The following OPN4 variants were observed in gnomAD, a reference collection of about 807,000 sequenced individuals.
The protein encoded by OPN4 is opsin 4, also known as melanopsin.
OPN4 carries 43 observed loss-of-function variants against 49.5 expected under a neutral mutation model. The ratio of observed to expected loss-of-function variants is 0.87; its 90% CI spans 0.68 to 1.12. The LOEUF is 1.12. OPN4 is among the 50% of genes most tolerant of loss of function. OPN4 has a pLI of 0.00. For synonymous variants in OPN4, 263 were observed against 258.0 expected, an observed-to-expected ratio of 1.02 and a Z score of -0.19; for missense variants, 657 against 643.9, an observed-to-expected ratio of 1.02 and a Z score of -0.22.
intron 2 of OPN4, chr10:86,657,137 T>G (rs1843887865): frequency 2.6e-6 from 2 of 775,840 alleles, no homozygotes; most frequent in Non-Finnish European, 2.4e-6. Context: ...ACCTGCCAGC[T>G]GAAGGACTGG....
rs755583201 is a variant in OPN4, at chr10:86,658,053, T to G, written c.312T>G (p.Pro104=). 6.2e-7 allele frequency: 1 copy of G among 1,613,540 alleles called. No homozygotes were observed. Among genetic ancestry groups the G allele is most frequent in the South Asian group, 1.1e-5 (1 of 91,024 alleles). The change falls in exon 3 of 10, where the codon CCT becomes CCG. Residue 104 remains proline (P), a synonymous_variant. Coordinates refer to ENST00000241891, the MANE Select transcript of OPN4 (RefSeq NM_033282.4). ...CCAGGAGCAGAAGCCTCCGGACACCTGCCAACATGTTCATTATCAACCTCG... is the reference window on the plus strand; with the variant it reads ...CCAGGAGCAGAAGCCTCCGGACACCGGCCAACATGTTCATTATCAACCTCG... The part of the protein sequence containing the change: ...TFCRSRSLRT[P]ANMFIINLAV...
rs754766542 is a variant in OPN4, at chr10:86,658,593, C to A, written c.534C>A (p.Thr178=). 13 of 1,614,210 alleles carry A rather than the reference C, an allele frequency of 8.1e-6. No individual in the cohort carries two copies. The highest frequency in any genetic ancestry group is 1.7e-6 in the Non-Finnish European group (2 of 1,180,040). ...TGGTAATCACACGCCCGCTGGCCAC[C>A]TTTGGTGTGGCGTCCAAGAGGCGTG... The part of the protein sequence containing the change: ...RYLVITRPLA[T]FGVASKRRAA... The change falls in exon 4 of 10, where the codon ACC becomes ACA. Residue 178 remains threonine, a synonymous_variant. Coordinates refer to ENST00000241891, the MANE Select transcript of OPN4 (RefSeq NM_033282.4).
chr10:86,657,063 G>A, intron 2 of OPN4: 3 of 649,944 alleles, frequency 4.6e-6, no homozygotes, highest in South Asian at 1.8e-5. Context: ...TGGCTCAGTG[G>A]CTGAGACAGG....
chr10:86,664,444 A>G (rs1292118466), intron 9 of OPN4, among the ~76,000 whole-genome samples: 1 of 152,174 alleles, frequency 6.6e-6, no homozygotes, highest in East Asian at 1.9e-4. Context: ...CCAAGTGCCT[A>G]TGGAACGGAA....
At chr10:86,658,758 G>A in intron 4 of OPN4, 71 bp downstream of exon 4, 1 of 1,548,056 alleles carries the variant, frequency 6.5e-7, no homozygotes, top group Non-Finnish European at 8.8e-7. Context: ...GAAGTAGGTG[G>A]ACTTGGGTCA....
chr10:86,662,262 G>A lies in OPN4; in HGVS notation c.1084G>A (p.Ala362Thr). The change falls in exon 8 of 10, where the codon GCC becomes ACC. Residue 362 changes from alanine to threonine, a missense_variant. Transcript: ENST00000241891. ...GTGCGGCCCCTGCAGGGTGGCCATT[G>A]CCCAGCACCTGCCCTGCCTGGGGGT... ...ITHPKYRVAI[A>T]QHLPCLGVLL... 1.2e-6 allele frequency: 2 copies of A among 1,609,374 alleles called. No individual in the cohort carries two copies. Among genetic ancestry groups the A allele is most frequent in the Non-Finnish European group, 1.7e-6 (2 of 1,179,442 alleles).
Position 86,654,808 on chromosome 10 carries a change from G to A in OPN4, c.25G>A (p.Val9Ile), listed in dbSNP as rs757880041. Reference protein sequence around the residue: MNPPSGPRVPPSPTQEPSC... With the variant: MNPPSGPRIPPSPTQEPSC... ...GATGAACCCTCCTTCGGGGCCAAGA[G>A]TCCCGCCCAGCCCAACCCAAGAGCC... is the stretch of plus-strand genomic sequence containing the variant. Residue 9 changes from valine to isoleucine, a missense_variant, in exon 1 of 10, where the codon GTC becomes ATC. Transcript: ENST00000241891. 3.1e-6 allele frequency: 5 copies of A among 1,612,608 alleles called. No individual in the cohort carries two copies. In the African/African-American group the frequency reaches 4.0e-5, roughly 13 times the overall value.
chr10:86,665,831 T>C lies in OPN4; in HGVS notation c.*80T>C, dbSNP rs1844158908. ...CCTCATATACACAGACCCAGGATTA[T>C]GCTGTGAGCCTGCAGGCTTTGGAAG... is the stretch of plus-strand genomic sequence containing the variant. On this transcript the variant is annotated 3_prime_UTR_variant, in exon 10 of 10. Transcript: ENST00000241891. The C allele has an allele frequency of 9.5e-6, 11 of 1,160,048 alleles. No homozygotes were observed. The highest frequency in any genetic ancestry group is 2.6e-5 in the South Asian group (2 of 77,158). 71.9% of individuals were successfully genotyped at this position (1,160,048 alleles called of 1,614,324 possible).
chr10:86,659,260 G>T, intron 4 of OPN4, 37 bp from the exon 5 acceptor site: 4 of 1,564,432 alleles, frequency 2.6e-6, no homozygotes, highest in Non-Finnish European at 2.6e-6. Context: ...CGTGGTCAGT[G>T]CCGCCCCAAA....
In OPN4 at chr10:86,654,782, G is replaced by C. The variant is rs1323869588; in HGVS notation, c.-2G>C. ...CTCGAGCAAGGACCATCCCAACTCA[G>C]GATGAACCCTCCTTCGGGGCCAAGA... On this transcript the variant is annotated 5_prime_UTR_variant, in exon 1 of 10. Coordinates refer to ENST00000241891, the MANE Select transcript of OPN4 (RefSeq NM_033282.4). 6.2e-7 allele frequency: 1 copy of C among 1,610,826 alleles called. No individual in the cohort carries two copies.
intron 9 of OPN4, 69 bp downstream of exon 9, chr10:86,663,871 C>A: frequency 6.6e-7 from 1 of 1,513,870 alleles, no homozygotes; most frequent in South Asian, 1.2e-5. Flanking sequence ...CAGGGAGAGG[C>A]CAGGAAAGAG....
In OPN4 at chr10:86,659,488, G is replaced by C. The variant is rs149963166; in HGVS notation, c.800+20G>C. 1.9e-6 allele frequency: 3 copies of C among 1,611,538 alleles called. No individual in the cohort carries two copies. The highest frequency in any genetic ancestry group is 2.5e-6 in the Non-Finnish European group (3 of 1,179,094). ...AGGACGGTAAGAGCCGAGCATGGAG[G>C]GGGGCTACAGGAGGGGGACCGGCCC... On this transcript the variant is annotated intron_variant, in intron 5 of 9. Transcript: ENST00000241891.
At position 86,662,317 on chromosome 10, in the gene OPN4, G is replaced by A. The variant is rs150092638; in HGVS notation, c.1139G>A (p.Arg380His). 31 of 1,606,142 alleles carry A rather than the reference G, an allele frequency of 1.9e-5. No individual in the cohort carries two copies. Among genetic ancestry groups the A allele is most frequent in the Middle Eastern group, 1.7e-4 (1 of 5,774 alleles). Residue 380 changes from arginine to histidine, a missense_variant, in exon 8 of 10, where the codon CGC (arginine) becomes CAC (histidine). By Grantham distance (29) the Arg-to-His change is conservative. Coordinates refer to ENST00000241891, the MANE Select transcript of OPN4 (RefSeq NM_033282.4). Reference protein sequence around the residue: ...VLLGVSRRHSRPYPSYRSTHR... With the variant: ...VLLGVSRRHSHPYPSYRSTHR... The stretch of plus-strand genomic sequence containing the variant: ...CTGGGTGTATCACGCCGGCACAGTC[G>A]CCCCTACCCCAGCTACCGCTCCACC...
At position 86,659,477 on chromosome 10, in the gene OPN4, C is replaced by G; in HGVS notation, c.800+9C>G. The G allele has an allele frequency of 6.2e-7, 1 of 1,612,952 alleles. No homozygotes were observed. On this transcript the variant is annotated intron_variant, in intron 5 of 9. Transcript: ENST00000241891. ...ATCCGGGAGACAGGACGGTAAGAGC[C>G]GAGCATGGAGGGGGGCTACAGGAGG... is the stretch of plus-strand genomic sequence containing the variant.
intron 7 of OPN4, among the ~76,000 whole-genome samples, chr10:86,661,637 C>T (rs970563783): frequency 6.6e-6 from 1 of 152,066 alleles, no homozygotes; most frequent in Non-Finnish European, 1.5e-5. Flanking sequence ...AACTATGGGA[C>T]CTTCAGACCT....
chr10:86,661,588 T>G (rs886737707), intron 7 of OPN4, among the ~76,000 whole-genome samples, 200 bp downstream of exon 7: 5 of 152,018 alleles, frequency 3.3e-5, no homozygotes, highest in African/African-American at 4.8e-5. Context: ...GGTCACGGTG[T>G]GGAGGGAGGT....
chr10:86,662,196 TC>T, intron 7 of OPN4, 55 bp from the exon 8 acceptor site: 1 of 1,498,536 alleles, frequency 6.7e-7, no homozygotes, highest in Non-Finnish European at 9.1e-7. Context: ...ACCCATCCCC[TC>T]CCCTGCATCT....
In OPN4 at chr10:86,662,392, T is replaced by A. The variant is rs781115962; in HGVS notation, c.1214T>A (p.Ile405Lys). Residue 405 changes from isoleucine (I) to lysine (K), a missense_variant, in exon 8 of 10, where the codon ATA (isoleucine) becomes AAA (lysine). Coordinates refer to ENST00000241891, the MANE Select transcript of OPN4 (RefSeq NM_033282.4). Reference protein sequence around the residue: ...SHTSNLSWISIRRRQESLGSE... With the variant: ...SHTSNLSWISKRRRQESLGSE... ...ACCTCCAACCTCAGCTGGATCTCCATACGGAGGCGCCAGGAGTCCCTGGGC... is the reference window on the plus strand; with the variant it reads ...ACCTCCAACCTCAGCTGGATCTCCAAACGGAGGCGCCAGGAGTCCCTGGGC... The A allele has an allele frequency of 1.0e-5, 16 of 1,568,524 alleles. No homozygotes were observed. The highest frequency in any genetic ancestry group is 4.7e-5 in the East Asian group (2 of 42,310).
chr10:86,662,202 G>T (rs773364832), intron 7 of OPN4, 50 bp from the exon 8 acceptor site: 57 of 1,533,538 alleles, frequency 3.7e-5, no homozygotes, highest in Non-Finnish European at 4.9e-5. Flanking sequence ...CCCCTCCCCT[G>T]CATCTGTCTG....
Sources: gnomAD v4.1 joint callset for allele counts (sites outside exome capture counted in the v4.1 genomes callset) on GRCh38, gnomAD v4.1.1 for gene constraint, MANE v1.5 for transcripts, NCBI Gene and HGNC (gene_info 2026-07-23, HGNC 2026-07-21) for gene names.